RPGRIP1: variants seen among roughly 807,000 people sequenced by gnomAD.
The protein encoded by RPGRIP1 is RPGR interacting protein 1, also known as X-linked retinitis pigmentosa GTPase regulator-interacting protein 1.
A neutral mutation model predicts 157.9 loss-of-function variants in RPGRIP1; 128 were observed. The observed-to-expected ratio is 0.81, with a 90% CI of 0.70 to 0.94. The LOEUF is 0.94. RPGRIP1 is among the 40% of genes least tolerant of loss of function. RPGRIP1 has a pLI of 0.00. For missense variants in RPGRIP1, 1,486 were observed against 1,545.8 expected, an observed-to-expected ratio of 0.96 and a Z score of 0.65; for synonymous variants, 554 against 571.6, an observed-to-expected ratio of 0.97 and a Z score of 0.44.
chr14:21,295,664 C>CG (rs1168091735), intron 3 of RPGRIP1, among the ~76,000 whole-genome samples: 1 of 151,060 alleles, frequency 6.6e-6, no homozygotes, highest in African/African-American at 2.4e-5. Context: ...TTAGTATAGA[C>CG]GGGGTTTCTC....
chr14:21,291,846 A>G (rs1594372862), intron 2 of RPGRIP1, among the ~76,000 whole-genome samples: 1 of 151,172 alleles, frequency 6.6e-6, no homozygotes, highest in Non-Finnish European at 1.5e-5. Flanking sequence ...TGCAACCTCC[A>G]CCTCCCAGAT....
chr14:21,328,169 C>CA (rs112502688), intron 18 of RPGRIP1, among the ~76,000 whole-genome samples: 177 of 144,552 alleles, frequency 1.2e-3, no homozygotes, highest in Middle Eastern at 3.5e-3. Flanking sequence ...AACTCTGTCT[C>CA]AAAAAAAAAA....
chr14:21,321,993 T>C lies in RPGRIP1; in HGVS notation c.1751T>C (p.Leu584Pro). ...GAAGGTATTTTAAGAAGCCATGACC[T>C]TCCAACATCTGGCAAGTCTTAGTCC... Reference protein sequence around the residue: ...QLEGILRSHDLPTSEQLKDVA... With the variant: ...QLEGILRSHDPPTSEQLKDVA... Residue 584 changes from leucine (L) to proline (P), a missense_variant, in exon 14 of 25, where the codon CTT becomes CCT. Leu to Pro is a moderately conservative substitution (Grantham distance 98). Transcript: ENST00000400017. 1 of 1,612,148 alleles carries C rather than the reference T, an allele frequency of 6.2e-7. No individual in the cohort carries two copies. The highest frequency in any genetic ancestry group is 1.1e-5 in the South Asian group (1 of 90,724).
chr14:21,314,213 G>T (rs1340338705), intron 10 of RPGRIP1, among the ~76,000 whole-genome samples: 1 of 151,940 alleles, frequency 6.6e-6, no homozygotes, highest in Non-Finnish European at 1.5e-5. Context: ...CTCCCGAGTA[G>T]CTGGGACCAC....
intron 3 of RPGRIP1, among the ~76,000 whole-genome samples, chr14:21,296,463 C>G (rs1880785362): frequency 6.6e-6 from 1 of 151,838 alleles, no homozygotes; most frequent in Non-Finnish European, 1.5e-5. Flanking sequence ...ATCCACCCAC[C>G]TTGGCCTCCC....
intron 24 of RPGRIP1, among the ~76,000 whole-genome samples, chr14:21,350,827 A>G (rs920705278): frequency 6.6e-6 from 1 of 152,166 alleles, no homozygotes; most frequent in African/African-American, 2.4e-5. Context: ...GTGCACAGGG[A>G]AAATCCACTT....
In RPGRIP1 at chr14:21,320,089, A is replaced by C. The variant is rs920085442; in HGVS notation, c.1379A>C (p.Gln460Pro). ...QKHKQEVELL[Q>P]NAATISQPPD... is the part of the protein sequence containing the mutation. ...CATAAACAGGAAGTAGAGCTCCTCC[A>C]AAATGCAGCCACAATTTCCCAACCT... Residue 460 changes from glutamine to proline, a missense_variant, in exon 12 of 25, where the codon CAA becomes CCA. Coordinates refer to ENST00000400017, the MANE Select transcript of RPGRIP1 (RefSeq NM_020366.4). 1 of 1,613,814 alleles carries C rather than the reference A, an allele frequency of 6.2e-7. No homozygotes were observed. The highest frequency in any genetic ancestry group is 1.6e-4 in the Middle Eastern group (1 of 6,062).
At chr14:21,343,411 AG>A (rs1885222067) in intron 22 of RPGRIP1, among the ~76,000 whole-genome samples, 183 bp downstream of exon 22, 1 of 152,224 alleles carries the variant, frequency 6.6e-6, no homozygotes, top group African/African-American at 2.4e-5. Flanking sequence ...TACATGAAGC[AG>A]GCCTTTGTCC....
At chr14:21,345,275 G>C in intron 23 of RPGRIP1, 78 bp downstream of exon 23, 1 of 941,380 alleles carries the variant, frequency 1.1e-6, no homozygotes, top group Non-Finnish European at 1.7e-6. Context: ...GTTTTGTGCT[G>C]ATGCTGAATA....
In RPGRIP1 at chr14:21,326,157, A is replaced by C. The variant is rs2065890042; in HGVS notation, c.2694A>C (p.Lys898Asn). The C allele has an allele frequency of 6.4e-7, 1 of 1,571,744 alleles. No individual in the cohort carries two copies. The highest frequency in any genetic ancestry group is 1.4e-5 in the African/African-American group (1 of 73,622). ...RARVPLLPLAKNESIKGDFNL... is the reference protein window; with the variant it reads ...RARVPLLPLANNESIKGDFNL... ...GAGTGCCTTTACTGCCTCTTGCAAAAAATGAATCTATCAAAGGTGGGAGTT... is the reference window on the plus strand; with the variant it reads ...GAGTGCCTTTACTGCCTCTTGCAAACAATGAATCTATCAAAGGTGGGAGTT... The change falls in exon 17 of 25, where the codon AAA becomes AAC. Residue 898 changes from lysine to asparagine, a missense_variant. By Grantham distance (94) the Lys-to-Asn change is moderately conservative. Transcript: ENST00000400017.
At chr14:21,337,272 G>A (rs1466661622) in intron 21 of RPGRIP1, among the ~76,000 whole-genome samples, 1 of 152,038 alleles carries the variant, frequency 6.6e-6, no homozygotes, top group African/African-American at 2.4e-5. Flanking sequence ...CTCCTTATCT[G>A]TAAAATGGTA....
chr14:21,304,742 C>T (rs1018606098), intron 6 of RPGRIP1, among the ~76,000 whole-genome samples: 4 of 152,136 alleles, frequency 2.6e-5, no homozygotes, highest in Admixed American at 6.6e-5. Flanking sequence ...TACATTGACA[C>T]ATCATTATCA....
chr14:21,300,930 A>G, intron 3 of RPGRIP1, 36 bp from the exon 4 acceptor site: 3 of 1,603,322 alleles, frequency 1.9e-6, no homozygotes, highest in Non-Finnish European at 2.6e-6. Context: ...AATAACTGTC[A>G]TGAAAGGAGA....
At chr14:21,302,055 G>A (rs957930782) in intron 4 of RPGRIP1, among the ~76,000 whole-genome samples, 1 of 152,074 alleles carries the variant, frequency 6.6e-6, no homozygotes, top group Non-Finnish European at 1.5e-5. Flanking sequence ...TTTGCTTAGT[G>A]TGGTCCTATA....
In RPGRIP1 at chr14:21,287,960, G is replaced by C. The variant is rs1880357651; in HGVS notation, c.-17G>C. On this transcript the variant is annotated 5_prime_UTR_variant, in exon 2 of 25. Transcript: ENST00000400017. ...TCAGTGTCCTCTGGGATCTCTTACA[G>C]CTTGGGAACAGAGATCATGTCACAT... 6.3e-7 allele frequency: 1 copy of C among 1,588,128 alleles called. No homozygotes were observed. The highest frequency in any genetic ancestry group is 1.1e-5 in the South Asian group (1 of 89,824).
rs763210717 is a variant in RPGRIP1, at chr14:21,301,162, G to T, written c.415G>T (p.Ala139Ser). ...CGTCGGCCCTGCCAGCCCCCGCCGC[G>T]CCCAGCCTCGCGTCCAAGTGGGACA... ...HCVGPASPRR[A>S]QPRVQVGHRQ... Residue 139 changes from alanine (A) to serine (S), a missense_variant, in exon 4 of 25, where the codon GCC becomes TCC. Transcript: ENST00000400017. 2.5e-6 allele frequency: 4 copies of T among 1,593,564 alleles called. No homozygotes were observed. The Admixed American group carries it at 5.4e-5, about 21-fold the overall frequency.
intron 10 of RPGRIP1, 28 bp from the exon 11 acceptor site, chr14:21,317,668 C>T: frequency 2.6e-6 from 4 of 1,566,782 alleles, no homozygotes; most frequent in Non-Finnish European, 3.5e-6. Flanking sequence ...TTGGGGTATC[C>T]ATCTGAGAGC....
chr14:21,298,941 TAAAAAAAAAAAAAA>T (rs10555165), intron 3 of RPGRIP1, among the ~76,000 whole-genome samples: 2 of 82,512 alleles, frequency 2.4e-5, no homozygotes, highest in Admixed American at 1.4e-4. Flanking sequence ...CTCTGTCTCA[TAAAAAAAAAAAAAA>T]AAAAAAAAAG....
At chr14:21,319,804 G>T (rs957268932) in intron 11 of RPGRIP1, among the ~76,000 whole-genome samples, 4 of 152,158 alleles carry the variant, frequency 2.6e-5, no homozygotes, top group Non-Finnish European at 5.9e-5. Context: ...CCATTCTGCA[G>T]GTGTCTTTTG....
Sources: allele counts gnomAD v4.1 joint callset (sites outside exome capture counted in the v4.1 genomes callset), GRCh38; gene constraint gnomAD v4.1.1; transcripts MANE v1.5; gene names NCBI Gene and HGNC (gene_info 2026-07-23, HGNC 2026-07-21).